The following APTX variants were observed in gnomAD, a reference collection of about 807,000 sequenced individuals.
APTX encodes the protein aprataxin.
APTX carries 33 observed loss-of-function variants against 42.3 expected under a neutral mutation model. The observed-to-expected ratio is 0.78, with a 90% CI of 0.59 to 1.04. The LOEUF (loss-of-function observed/expected upper bound fraction) is 1.04. APTX is among the 50% of genes least tolerant of loss of function. APTX has a pLI of 0.00. For synonymous variants in APTX, 130 were observed against 146.7 expected, an observed-to-expected ratio of 0.89 and a Z score of 0.82; for missense variants, 421 against 415.1, an observed-to-expected ratio of 1.01 and a Z score of -0.12.
chr9:32,982,442 T>C (rs1830892038), intron 6 of APTX, among the ~76,000 whole-genome samples: 1 of 152,248 alleles, frequency 6.6e-6, no homozygotes, highest in Non-Finnish European at 1.5e-5. Flanking sequence ...AGTTTAGTTA[T>C]CTACAGTTAG....
intron 1 of APTX, among the ~76,000 whole-genome samples, chr9:33,009,556 A>G (rs1350051559): frequency 6.6e-6 from 1 of 152,180 alleles, no homozygotes; most frequent in African/African-American, 2.4e-5. Flanking sequence ...AGGCAGGAAG[A>G]CTGCTTGAGA....
At chr9:32,981,422 ATGTG>A (rs766271125) in intron 6 of APTX, among the ~76,000 whole-genome samples, 1 of 150,172 alleles carries the variant, frequency 6.7e-6, no homozygotes, top group East Asian at 1.9e-4. Context: ...AGGGGTGTGT[ATGTG>A]TGTGTGTGTG....
At chr9:32,978,136 G>C (rs1037056134) in intron 6 of APTX, among the ~76,000 whole-genome samples, 1 of 152,146 alleles carries the variant, frequency 6.6e-6, no homozygotes, top group African/African-American at 2.4e-5. Flanking sequence ...TTTTACACTT[G>C]GGTTTGTTGA....
intron 1 of APTX, among the ~76,000 whole-genome samples, chr9:33,024,546 A>C (rs1838689294): frequency 2.0e-5 from 3 of 152,132 alleles, no homozygotes; most frequent in African/African-American, 7.2e-5. Context: ...ACTGGGTGAA[A>C]ACCTGACCAG....
chr9:32,992,247 G>A (rs771200641), intron 1 of APTX, among the ~76,000 whole-genome samples: 1 of 152,158 alleles, frequency 6.6e-6, no homozygotes, highest in African/African-American at 2.4e-5. Context: ...AAAGAAACCC[G>A]ATTTTTAAAA....
chr9:32,979,373 G>A (rs574858348), intron 6 of APTX, among the ~76,000 whole-genome samples: 78 of 152,262 alleles, frequency 5.1e-4, no homozygotes, highest in East Asian at 7.7e-4. Context: ...ACATGTTCTC[G>A]TTCTTTTCTA....
intron 4 of APTX, 22 bp downstream of exon 4, chr9:32,987,522 C>T (rs1227026508): frequency 6.2e-7 from 1 of 1,612,890 alleles, no homozygotes; most frequent in Non-Finnish European, 8.5e-7. Flanking sequence ...TCCACATCAT[C>T]TACCAATCAC....
chr9:33,011,910 T>C (rs1446627860), intron 1 of APTX, among the ~76,000 whole-genome samples: 2 of 152,194 alleles, frequency 1.3e-5, no homozygotes, highest in African/African-American at 4.8e-5. Flanking sequence ...TTCTCCCACT[T>C]GTCTTTCTTA....
upstream of APTX, among the ~76,000 whole-genome samples, chr9:33,005,270 C>A (rs1444809537): frequency 1.3e-5 from 2 of 152,088 alleles, no homozygotes; most frequent in Non-Finnish European, 2.9e-5. Flanking sequence ...TTTAATTTAC[C>A]TATTTTTACT....
intron 1 of APTX, among the ~76,000 whole-genome samples, chr9:32,990,748 G>A (rs1833414953): frequency 6.6e-6 from 1 of 152,178 alleles, no homozygotes; most frequent in Non-Finnish European, 1.5e-5. Flanking sequence ...TTTAAAGGAT[G>A]AGAAGGAGTT....
At position 32,977,765 on chromosome 9, in the gene APTX, G is replaced by A. The variant is rs113618055; in HGVS notation, c.771-3204C>T. On this transcript the variant is annotated intron_variant, in intron 6 of 7. Coordinates refer to ENST00000379817, the MANE Select transcript of APTX (RefSeq NM_001195248.2). ...AGACTAGCTTGAACCCAGGAGGCAG[G>A]GGTTTCAGGGAGCTGAGATTGCACC... Among the ~76,000 whole-genome samples the A allele has an allele frequency of 8.8e-3, 1,333 of 152,034 alleles. 11 individuals are homozygous for A. Among genetic ancestry groups the A allele is most frequent in the Non-Finnish European group, 0.013 (870 of 67,958 alleles).
chr9:32,984,887 G>A (rs762362786), intron 5 of APTX, 30 bp from the exon 6 acceptor site: 13 of 1,572,230 alleles, frequency 8.3e-6, no homozygotes, highest in Non-Finnish European at 1.1e-5. Flanking sequence ...GAAGGAAACA[G>A]ACATCTACTA....
At chr9:32,975,212 A>G (rs10813912) in intron 6 of APTX, among the ~76,000 whole-genome samples, 95,265 of 151,968 alleles carry the variant, frequency 0.63, 30,293 homozygotes, top group East Asian at 0.87. Flanking sequence ...GAGCCAGGTC[A>G]TAAAGCCTCT....
chr9:32,980,593 A>G (rs1237148895), intron 6 of APTX, among the ~76,000 whole-genome samples: 1 of 152,276 alleles, frequency 6.6e-6, no homozygotes, highest in Non-Finnish European at 1.5e-5. Flanking sequence ...TGTTGTGTGA[A>G]GAAAGGACGG....
rs1052152968 is a variant in APTX at position 33,013,363 on chromosome 9, A to G, written c.-5+11660T>C. 2.0e-5 allele frequency among the ~76,000 whole-genome samples: 3 copies of G among 152,328 alleles called. No homozygotes were observed. In the East Asian group the frequency reaches 5.8e-4, roughly 29 times the overall value. On this transcript the variant is annotated intron_variant, in intron 1 of 6. Coordinates refer to the APTX transcript ENST00000436040. ...TCCAGAATTTGTATTGTTAGCCACT[A>G]CAATGCCTTTCCCAGTTTCCTGTCC...
At chr9:33,006,066 GTTGTTTGTTTGT>G (rs148290929), upstream of APTX, among the ~76,000 whole-genome samples, 10 of 150,768 alleles carry the variant, frequency 6.6e-5, no homozygotes, top group African/African-American at 2.4e-4. Flanking sequence ...TCAGGGTTTT[GTTGTTTGTTTGT>G]TTGTTTGTTT....
intron 6 of APTX, among the ~76,000 whole-genome samples, chr9:32,982,430 ATAGTT>A (rs1275355860): frequency 6.6e-5 from 10 of 152,344 alleles, no homozygotes; most frequent in Non-Finnish European, 1.2e-4. Flanking sequence ...AATAAGGTCT[ATAGTT>A]TAGTTATCTA....
rs1554664711 is a variant in APTX, at chr9:32,986,032, T to TAAAAAAAAACAAAAAAAAA, written c.484-3_484-2insTTTTTTTTTGTTTTTTTTT. 3.4e-5 allele frequency: 25 copies of TAAAAAAAAACAAAAAAAAA among 733,326 alleles called. No homozygotes were observed. Among genetic ancestry groups the TAAAAAAAAACAAAAAAAAA allele is most frequent in the South Asian group, 9.6e-5 (5 of 51,932 alleles). The allele number at this position is 733,326 out of a possible 1,614,324, so 45.4% of individuals were successfully genotyped here. A position where few individuals can be genotyped will look rare whatever the true frequency, so the allele number is the denominator to read the frequency against. ...TTGACTCCAGTGGCCCAGGGATTCC[T>TAAAAAAAAACAAAAAAAAA]AAAAAAAAAACAAAAAAAAAAACAA... is the stretch of plus-strand genomic sequence containing the variant. On this transcript the variant is annotated splice_polypyrimidine_tract_variant and splice_region_variant and intron_variant, in intron 4 of 7. Transcript: ENST00000379817.
At position 32,974,574 on chromosome 9, in the gene APTX, A is replaced by AG. The variant is rs1165728008; in HGVS notation, c.771-14_771-13insC. The AG allele has an allele frequency of 2.0e-6, 3 of 1,499,510 alleles. No individual in the cohort carries two copies. The highest frequency in any genetic ancestry group is 2.8e-6 in the Non-Finnish European group (3 of 1,081,156). 92.9% of individuals were successfully genotyped at this position (1,499,510 alleles called of 1,614,324 possible). On this transcript the variant is annotated splice_polypyrimidine_tract_variant and intron_variant, in intron 6 of 7. Coordinates refer to ENST00000379817, the MANE Select transcript of APTX (RefSeq NM_001195248.2). ...AAGATGTACATGGCTAGTTGAAAGAAAAAAAAACTGAGCATTAAACTCTTT... is the reference window on the plus strand; with the variant it reads ...AAGATGTACATGGCTAGTTGAAAGAAGAAAAAAACTGAGCATTAAACTCTTT...
Sources: gnomAD v4.1 joint callset for allele counts (sites outside exome capture counted in the v4.1 genomes callset) on GRCh38, gnomAD v4.1.1 for gene constraint, MANE v1.5 for transcripts, NCBI Gene and HGNC (gene_info 2026-07-23, HGNC 2026-07-21) for gene names.